The following RIMS2 variants were observed in gnomAD, a reference collection of about 807,000 sequenced individuals.
RIMS2 encodes the protein regulating synaptic membrane exocytosis protein 2.
RIMS2 carries 59 observed loss-of-function variants against 174.4 expected under a neutral mutation model. That is an observed-to-expected ratio of 0.34 (90% CI 0.27 to 0.42). The LOEUF (loss-of-function observed/expected upper bound fraction) is 0.42, where lower values mean the gene tolerates loss of function less well. RIMS2 is among the 10% of genes least tolerant of loss of function. The pLI, the probability that RIMS2 is intolerant of heterozygous loss-of-function variation, is 1.00. For missense variants in RIMS2, 1,620 were observed against 1,666.3 expected (o/e 0.97, Z 0.48); for synonymous variants, 606 against 572.5 (o/e 1.06, Z -0.84).
intron 4 of RIMS2, among the ~76,000 whole-genome samples, chr8:103,897,381 T>G (rs1483973263): frequency 1.3e-5 from 2 of 151,688 alleles, no homozygotes; most frequent in African/African-American, 4.9e-5. Context: ...GCATGATGTT[T>G]GTCCTCCTTT....
chr8:103,870,331 T>A (rs1380037002), intron 3 of RIMS2, among the ~76,000 whole-genome samples: 4 of 151,588 alleles, frequency 2.6e-5, no homozygotes, highest in Admixed American at 1.3e-4. Flanking sequence ...AGTGCTAAGT[T>A]TAGCTAAACC....
At chr8:103,876,912 A>ATACT in intron 3 of RIMS2, among the ~76,000 whole-genome samples, 1 of 89,440 alleles carries the variant, frequency 1.1e-5, no homozygotes, top group South Asian at 3.4e-4. Context: ...ATATATATAC[A>ATACT]CACACACCCC....
At chr8:103,932,070 T>G (rs963303314) in intron 12 of RIMS2, among the ~76,000 whole-genome samples, 1 of 152,020 alleles carries the variant, frequency 6.6e-6, no homozygotes, top group Non-Finnish European at 1.5e-5. Flanking sequence ...ATATAAAAAA[T>G]AAAAGAGACT....
intron 1 of RIMS2, among the ~76,000 whole-genome samples, chr8:103,542,287 C>A (rs1238513503): frequency 2.6e-5 from 4 of 152,076 alleles, no homozygotes; most frequent in Admixed American, 2.6e-4. Flanking sequence ...AGGACTGAAT[C>A]ATGAAGAAAT....
exon 4 of RIMS2, chr8:103,886,185 A>T: frequency 1.2e-6 from 2 of 1,612,236 alleles, no homozygotes; most frequent in Non-Finnish European, 1.7e-6. Flanking sequence ...ACAAGTTGTG[A>T]TGATGTTGAG....
chr8:103,678,834 G>T (rs913210186), intron 1 of RIMS2, among the ~76,000 whole-genome samples: 1 of 152,014 alleles, frequency 6.6e-6, no homozygotes, highest in African/African-American at 2.4e-5. Context: ...TGGATCACAA[G>T]TTAAGATAGA....
chr8:104,060,977 G>A (rs546339975), intron 19 of RIMS2, among the ~76,000 whole-genome samples: 1 of 152,250 alleles, frequency 6.6e-6, no homozygotes, highest in South Asian at 2.1e-4. Flanking sequence ...GCTGAGGAGA[G>A]CTTTACTTCC....
intron 16 of RIMS2, chr8:103,976,548 C>CTTTTTTTTTTTTTTTTTTT (rs768820871): frequency 3.2e-5 from 4 of 124,558 alleles, no homozygotes; most frequent in Non-Finnish European, 5.0e-5. Context: ...TTTTCTTTTT[C>CTTTTTTTTTTTTTTTTTTT]TTTTTTTTTT....
chr8:104,170,902 C>T (rs2098828369), intron 19 of RIMS2, among the ~76,000 whole-genome samples: 1 of 152,100 alleles, frequency 6.6e-6, no homozygotes, highest in South Asian at 2.1e-4. Context: ...ATCGCTCCTT[C>T]ATTAATGAAG....
intron 13 of RIMS2, 78 bp from the exon 16 acceptor site, chr8:103,942,695 C>A: frequency 9.7e-7 from 1 of 1,034,632 alleles, no homozygotes; most frequent in South Asian, 2.1e-5. Context: ...ATTATTACTA[C>A]AAAAGTTATA....
At chr8:104,137,142 G>T (rs1233624968) in intron 19 of RIMS2, among the ~76,000 whole-genome samples, 1 of 152,074 alleles carries the variant, frequency 6.6e-6, no homozygotes, top group African/African-American at 2.4e-5. Context: ...GGATTATTTG[G>T]CTGTAGGAAA....
chr8:104,073,461 A>G (rs2097230636), intron 19 of RIMS2, among the ~76,000 whole-genome samples: 1 of 152,202 alleles, frequency 6.6e-6, no homozygotes, highest in Non-Finnish European at 1.5e-5. Context: ...TGGAAAAACC[A>G]TGCTCTTTTT....
chr8:103,832,834 CTATT>C (rs1448534276), intron 3 of RIMS2, among the ~76,000 whole-genome samples: 3 of 152,156 alleles, frequency 2.0e-5, no homozygotes, highest in Non-Finnish European at 4.4e-5. Context: ...CATTCACAAT[CTATT>C]TAGTGTTTAT....
At chr8:104,122,985 G>A (rs1282204925) in intron 19 of RIMS2, among the ~76,000 whole-genome samples, 1 of 152,004 alleles carries the variant, frequency 6.6e-6, no homozygotes, top group Non-Finnish European at 1.5e-5. Context: ...ACCAAATGAT[G>A]CTATATTTTA....
chr8:104,155,445 G>T (rs1480108110), intron 19 of RIMS2, among the ~76,000 whole-genome samples: 6 of 104,804 alleles, frequency 5.7e-5, no homozygotes, highest in Middle Eastern at 0.011. Context: ...ACAGAGTCTT[G>T]CTCTGTCGCC....
At chr8:104,255,161 C>T (rs1588332916), downstream of RIMS2, 2 of 152,086 alleles carry the variant, frequency 1.3e-5, no homozygotes, top group Admixed American at 6.6e-5. Flanking sequence ...AGACTCAACT[C>T]GAGTCCAATT....
intron 1 of RIMS2, among the ~76,000 whole-genome samples, chr8:103,527,235 C>G (rs1411112485): frequency 6.6e-6 from 1 of 152,184 alleles, no homozygotes; most frequent in Non-Finnish European, 1.5e-5. Context: ...GCTTCCCACA[C>G]TTAAGGTAAT....
At position 104,037,934 on chromosome 8, in the gene RIMS2, T is replaced by C. The variant is rs79606056; in HGVS notation, c.3334+23319T>C. Among the ~76,000 whole-genome samples, 150 of 152,240 alleles carry C rather than the reference T, an allele frequency of 9.9e-4. 2 individuals carry two copies. In the East Asian group the frequency reaches 0.027, roughly 27 times the overall value. ...TTACTGTATGTTTTCTATGTTTGGA[T>C]ATACAAAATACAATTGTGTCACAGT... On this transcript the variant is annotated intron_variant, in intron 19 of 23. Transcript: ENST00000504942.
chr8:104,124,495 C>T (rs1599435466), intron 19 of RIMS2, among the ~76,000 whole-genome samples: 1 of 152,178 alleles, frequency 6.6e-6, no homozygotes, highest in South Asian at 2.1e-4. Context: ...TGGTTTTTGT[C>T]ACTTGCAATA....
Sources: allele counts gnomAD v4.1 joint callset (sites outside exome capture counted in the v4.1 genomes callset), GRCh38; gene constraint gnomAD v4.1.1; transcripts MANE v1.5; gene names NCBI Gene and HGNC (gene_info 2026-07-23, HGNC 2026-07-21).